The following OPA1 variants were observed in gnomAD, a reference collection of about 807,000 sequenced individuals.
OPA1 encodes the protein dynamin-like GTPase OPA1, mitochondrial.
OPA1 carries 59 observed loss-of-function variants against 152.9 expected under a neutral mutation model. The ratio of observed to expected loss-of-function variants is 0.39; its 90% confidence interval spans 0.31 to 0.48. The LOEUF is 0.48. Among genes scored for constraint, OPA1 ranks in the 20% least tolerant of loss-of-function variants. The probability of loss-of-function intolerance (pLI) is 0.96; values close to 1 mark genes in which losing one functional copy is unlikely to be tolerated. For synonymous variants in OPA1, 400 were observed against 389.9 expected (o/e 1.03, Z -0.31); for missense variants, 1,008 against 1,216.8 (o/e 0.83, Z 2.55).
intron 6 of OPA1, among the ~76,000 whole-genome samples, chr3:193,624,661 C>T (rs965511208): frequency 5.3e-5 from 8 of 151,968 alleles, no homozygotes; most frequent in Admixed American, 1.3e-4. Flanking sequence ...CTATTTTATA[C>T]TGTTGTATCT....
At chr3:193,656,029 G>T (rs1418294172) in intron 22 of OPA1, among the ~76,000 whole-genome samples, 2 of 152,074 alleles carry the variant, frequency 1.3e-5, no homozygotes, top group Non-Finnish European at 2.9e-5. Context: ...CAGCCTCCCT[G>T]CCTAAGTTGC....
At chr3:193,677,848 A>G (rs1486932620) in intron 29 of OPA1, among the ~76,000 whole-genome samples, 1 of 152,178 alleles carries the variant, frequency 6.6e-6, no homozygotes, top group African/African-American at 2.4e-5. Flanking sequence ...TTCCCAAGTA[A>G]CCTACTGCTG....
chr3:193,644,397 T>G (rs999035043), intron 16 of OPA1, among the ~76,000 whole-genome samples: 7 of 152,166 alleles, frequency 4.6e-5, no homozygotes, highest in African/African-American at 1.4e-4. Flanking sequence ...AAGGTTTTCA[T>G]CGGAGGTTAG....
chr3:193,600,870 ATTTC>A (rs1726355324), intron 1 of OPA1, among the ~76,000 whole-genome samples: 2 of 152,092 alleles, frequency 1.3e-5, no homozygotes, highest in African/African-American at 2.4e-5. Context: ...CTCTTGAGAG[ATTTC>A]TTTATTGTAC....
At chr3:193,654,192 G>C (rs945418360) in intron 21 of OPA1, among the ~76,000 whole-genome samples, 1 of 152,062 alleles carries the variant, frequency 6.6e-6, no homozygotes, top group Non-Finnish European at 1.5e-5. Flanking sequence ...ATACTACACA[G>C]AAATAAAAAG....
At chr3:193,611,596 CAAAAAAAAAAAAA>C (rs35159597) in intron 1 of OPA1, among the ~76,000 whole-genome samples, 1 of 68,794 alleles carries the variant, frequency 1.5e-5, no homozygotes, top group Non-Finnish European at 2.7e-5. Context: ...GACTCCACCT[CAAAAAAAAAAAAA>C]AAAAAAAAAA....
chr3:193,617,321 T>C, intron 4 of OPA1, 36 bp downstream of exon 4: 1 of 1,290,468 alleles, frequency 7.7e-7, no homozygotes, highest in Non-Finnish European at 1.1e-6. Flanking sequence ...TTTAAAAATT[T>C]AAGAACCATG....
chr3:193,641,940 C>T (rs1335782789), intron 11 of OPA1, among the ~76,000 whole-genome samples: 1 of 152,158 alleles, frequency 6.6e-6, no homozygotes, highest in African/African-American at 2.4e-5. Flanking sequence ...CATGGCGAAA[C>T]CCTGTCTCTA....
At chr3:193,647,958 G>A (rs1734955682) in intron 19 of OPA1, 112 bp from the exon 20 acceptor site, 2 of 761,748 alleles carry the variant, frequency 2.6e-6, no homozygotes, top group Non-Finnish European at 4.7e-6. Context: ...AGGGGTCATA[G>A]GCGCACTCTC....
At chr3:193,639,386 G>A (rs963303620) in intron 11 of OPA1, among the ~76,000 whole-genome samples, 4 of 152,208 alleles carry the variant, frequency 2.6e-5, no homozygotes, top group African/African-American at 9.6e-5. Context: ...GGGTGCCAGA[G>A]TATTCATAGA....
At chr3:193,684,391 A>G (rs1169106100) in intron 29 of OPA1, among the ~76,000 whole-genome samples, 2 of 151,616 alleles carry the variant, frequency 1.3e-5, no homozygotes, top group African/African-American at 2.4e-5. Flanking sequence ...TCAGGTAGCC[A>G]GAAGTTCAAG....
At chr3:193,619,098 G>T (rs186051489) in intron 6 of OPA1, among the ~76,000 whole-genome samples, 162 bp downstream of exon 6, 2 of 152,202 alleles carry the variant, frequency 1.3e-5, no homozygotes, top group African/African-American at 4.8e-5. Flanking sequence ...AAGGTATTAC[G>T]TGGCAGTTCT....
Position 193,617,819 on chromosome 3 carries a change from G to A in OPA1, c.592G>A (p.Asp198Asn), listed in dbSNP as rs535724954. Residue 198 changes from aspartate (D) to asparagine (N), a missense_variant, in exon 5 of 31, where the codon GAC (aspartate) becomes AAC (asparagine). By Grantham distance (23) the Asp-to-Asn change is conservative. Transcript: ENST00000361510. Reference protein sequence around the residue: ...KLVSEVIGASDLLLLLGSPEE... With the variant: ...KLVSEVIGASNLLLLLGSPEE... ...GGTTAGTGAAGTCATAGGAGCTTCT[G>A]ACCTACTTCTCTTGTTAGGTGTGTA... is the stretch of plus-strand genomic sequence containing the variant. 66 of 1,612,602 alleles carry A rather than the reference G, an allele frequency of 4.1e-5. No individual in the cohort carries two copies. Among genetic ancestry groups the A allele is most frequent in the Non-Finnish European group, 5.3e-5 (63 of 1,179,010 alleles).
intron 23 of OPA1, among the ~76,000 whole-genome samples, chr3:193,657,815 T>G (rs954514403): frequency 6.6e-6 from 1 of 152,216 alleles, no homozygotes; most frequent in African/African-American, 2.4e-5. Context: ...TGTAGACTGC[T>G]CTCACTACCA....
In OPA1 at chr3:193,626,140, G is replaced by T. The variant is rs1361427800; in HGVS notation, c.727G>T (p.Glu243Ter). The T allele has an allele frequency of 6.2e-7, 1 of 1,614,138 alleles. No homozygotes were observed. The highest frequency in any genetic ancestry group is 8.5e-7 in the Non-Finnish European group (1 of 1,180,010). ...ILLQQQIQEHEEEARRAAGQY... is the reference protein window; with the variant it reads ...ILLQQQIQEH ...CTTACAACAACAAATTCAAGAGCATGAAGAGGAAGCGCGCAGAGCCGCTGG... is the reference window on the plus strand; with the variant it reads ...CTTACAACAACAAATTCAAGAGCATTAAGAGGAAGCGCGCAGAGCCGCTGG... Residue 243 changes from glutamate to a stop codon, truncating the protein, a stop_gained, in exon 7 of 31, where the codon GAA (glutamate) becomes TAA (stop). Transcript: ENST00000361510. LOFTEE classifies it high-confidence loss of function.
intron 6 of OPA1, among the ~76,000 whole-genome samples, chr3:193,622,164 TTAAGTA>T (rs1730208004): frequency 2.6e-5 from 4 of 152,084 alleles, no homozygotes; most frequent in African/African-American, 9.6e-5. Flanking sequence ...TAGTATTGTT[TTAAGTA>T]TAATTATTAA....
rs1443628936 is a variant in OPA1, at chr3:193,696,281, G to T, written c.*1681G>T. The T allele has an allele frequency of 6.6e-6, 1 of 152,202 alleles. No homozygotes were observed. Among genetic ancestry groups the T allele is most frequent in the African/African-American group, 2.4e-5 (1 of 41,442 alleles). 9.4% of individuals were successfully genotyped at this position (152,202 alleles called of 1,614,324 possible). Reference sequence around the variant, plus strand: ...TCAACTATAGAAAGAAAGACCTTCAGCTGTATTTCCACAGATTTCTCCCAA... The same window carrying T: ...TCAACTATAGAAAGAAAGACCTTCATCTGTATTTCCACAGATTTCTCCCAA... On this transcript the variant is annotated 3_prime_UTR_variant, in exon 31 of 31. Transcript: ENST00000361510.
At chr3:193,629,810 G>A (rs1184409184) in intron 7 of OPA1, among the ~76,000 whole-genome samples, 1 of 151,644 alleles carries the variant, frequency 6.6e-6, no homozygotes, top group Non-Finnish European at 1.5e-5. Flanking sequence ...TTGTTTAATT[G>A]TATTAGTTTT....
At chr3:193,629,754 GTTAACCTTTTA>G (rs1280040689) in intron 7 of OPA1, among the ~76,000 whole-genome samples, 2 of 152,026 alleles carry the variant, frequency 1.3e-5, no homozygotes, top group Non-Finnish European at 2.9e-5. Flanking sequence ...ACCAAATTAA[GTTAACCTTTTA>G]TAGCCCTTGG....
Sources: allele counts gnomAD v4.1 joint callset (sites outside exome capture counted in the v4.1 genomes callset), GRCh38; gene constraint gnomAD v4.1.1; transcripts MANE v1.5; gene names NCBI Gene and HGNC (gene_info 2026-07-23, HGNC 2026-07-21).